The following SLC39A8 variants were observed in gnomAD, a reference collection of about 807,000 sequenced individuals.
SLC39A8 encodes metal cation symporter ZIP8.
In SLC39A8, 15 loss-of-function variants were observed where a neutral mutation model predicts 40.4. The ratio of observed to expected loss-of-function variants is 0.37; its 90% CI spans 0.25 to 0.57. The LOEUF is 0.57. Ranked by LOEUF, SLC39A8 falls within the 20% of genes least tolerant of loss-of-function variation. The pLI, the probability that SLC39A8 is intolerant of heterozygous loss-of-function variation, is 0.75. For missense variants in SLC39A8, 472 were observed against 558.8 expected (o/e 0.84, Z 1.57); for synonymous variants, 223 against 221.6 (o/e 1.01, Z -0.06).
At chr4:102,251,289 G>A (rs1731580199) in exon 12 of SLC39A8, 1 of 152,116 alleles carries the variant, frequency 6.6e-6, no homozygotes, top group Non-Finnish European at 1.5e-5. Flanking sequence ...CTACTGTTAT[G>A]TCAACAAAAG....
intron 2 of SLC39A8, among the ~76,000 whole-genome samples, chr4:102,322,854 A>T (rs564187300): frequency 6.6e-6 from 1 of 152,262 alleles, no homozygotes; most frequent in Admixed American, 6.5e-5. Context: ...AGACTCAATG[A>T]CAATCAACTT....
At chr4:102,343,790 G>GA (rs1040945999) in intron 2 of SLC39A8, among the ~76,000 whole-genome samples, 27 of 152,112 alleles carry the variant, frequency 1.8e-4, no homozygotes, top group Middle Eastern at 3.2e-3. Flanking sequence ...GTTTATTACT[G>GA]AAAAAATTTT....
intron 6 of SLC39A8, among the ~76,000 whole-genome samples, chr4:102,270,148 T>G (rs761581952): frequency 2.0e-5 from 3 of 152,232 alleles, no homozygotes. Flanking sequence ...TCTAATTACA[T>G]GTTTAAAATT....
chr4:102,341,867 A>G (rs1426845511), intron 2 of SLC39A8, among the ~76,000 whole-genome samples: 1 of 152,252 alleles, frequency 6.6e-6, no homozygotes, highest in Non-Finnish European at 1.5e-5. Flanking sequence ...CAAAAGAACA[A>G]TGTTATTTGA....
chr4:102,253,186 A>G (rs1416194255), exon 12 of SLC39A8: 10 of 388,186 alleles, frequency 2.6e-5, no homozygotes, highest in Non-Finnish European at 4.1e-5. Context: ...GCGGCGGGGA[A>G]CACAATTAGA....
chr4:102,301,289 G>A (rs1427139299), intron 6 of SLC39A8, among the ~76,000 whole-genome samples: 2 of 152,026 alleles, frequency 1.3e-5, no homozygotes, highest in Non-Finnish European at 2.9e-5. Context: ...GGTCCCTTGT[G>A]TGTGACCTGT....
At chr4:102,292,316 G>A (rs751090999) in intron 6 of SLC39A8, among the ~76,000 whole-genome samples, 4 of 151,938 alleles carry the variant, frequency 2.6e-5, no homozygotes, top group Non-Finnish European at 5.9e-5. Flanking sequence ...ATAAATATAT[G>A]CAATTATTAT....
At chr4:102,276,838 G>C (rs1010741654) in intron 6 of SLC39A8, among the ~76,000 whole-genome samples, 1 of 152,092 alleles carries the variant, frequency 6.6e-6, no homozygotes, top group Non-Finnish European at 1.5e-5. Context: ...TTCAACATAT[G>C]CAAACCAATA....
intron 2 of SLC39A8, among the ~76,000 whole-genome samples, chr4:102,332,765 C>T (rs908877080): frequency 1.3e-5 from 2 of 152,168 alleles, no homozygotes; most frequent in African/African-American, 4.8e-5. Flanking sequence ...GGAACCAACC[C>T]AAATGCCCAT....
At chr4:102,269,157 T>C (rs893709051) in intron 6 of SLC39A8, among the ~76,000 whole-genome samples, 3 of 146,058 alleles carry the variant, frequency 2.1e-5, no homozygotes, top group Non-Finnish European at 4.7e-5. Flanking sequence ...TATATATGGA[T>C]ACATTAAAAA....
chr4:102,292,284 T>G (rs1468878867), intron 6 of SLC39A8, among the ~76,000 whole-genome samples: 2 of 152,096 alleles, frequency 1.3e-5, no homozygotes, highest in African/African-American at 4.8e-5. Context: ...TGTACATATA[T>G]TAAAACATAA....
chr4:102,315,956 C>T (rs1734637545), intron 2 of SLC39A8, 126 bp from the exon 3 acceptor site: 1 of 738,112 alleles, frequency 1.4e-6, no homozygotes, highest in Non-Finnish European at 1.9e-6. Context: ...AAGCCCACCA[C>T]AGAAATTGAA....
downstream of SLC39A8, among the ~76,000 whole-genome samples, chr4:102,258,789 T>C (rs541729311): frequency 1.3e-5 from 2 of 152,338 alleles, no homozygotes; most frequent in South Asian, 4.1e-4. Flanking sequence ...TCCTGCCAAG[T>C]GATGTATTCT....
chr4:102,255,452 A>G (rs955615832), intron 11 of SLC39A8, among the ~76,000 whole-genome samples: 5 of 152,144 alleles, frequency 3.3e-5, no homozygotes, highest in Non-Finnish European at 7.3e-5. Flanking sequence ...CTCAGCATCC[A>G]TCTCATTTTC....
intron 11 of SLC39A8, among the ~76,000 whole-genome samples, chr4:102,253,676 T>C (rs1731643935): frequency 1.3e-5 from 2 of 152,124 alleles, no homozygotes; most frequent in Admixed American, 6.5e-5. Flanking sequence ...AGTACGTGTT[T>C]ATTGAAAAAA....
At position 102,344,893 on chromosome 4, in the gene SLC39A8, G is replaced by A; in HGVS notation, c.-231C>T. ...GCCGAGGGGAGCGATAGGCGGAGTG[G>A]GCCCCCCGGCCTCCTGGAGAGCCTG... On this transcript the variant is annotated 5_prime_UTR_variant, in exon 2 of 9. Coordinates refer to ENST00000356736, the MANE Select transcript of SLC39A8 (RefSeq NM_001135146.2). The A allele has an allele frequency of 1.5e-6, 2 of 1,300,586 alleles. No homozygotes were observed. The highest frequency in any genetic ancestry group is 1.9e-6 in the Non-Finnish European group (2 of 1,029,452). 80.6% of individuals were successfully genotyped at this position (1,300,586 alleles called of 1,614,324 possible).
At chr4:102,259,716 A>G (rs531068701), downstream of SLC39A8, among the ~76,000 whole-genome samples, 1 of 152,362 alleles carries the variant, frequency 6.6e-6, no homozygotes, top group African/African-American at 2.4e-5. Flanking sequence ...GGCCCTACCT[A>G]GCAGACTGTT....
chr4:102,283,516 T>G (rs1028879938), intron 6 of SLC39A8, among the ~76,000 whole-genome samples: 2 of 151,654 alleles, frequency 1.3e-5, no homozygotes, highest in Admixed American at 6.6e-5. Flanking sequence ...ACTGAACTAA[T>G]GTGCTGAGGT....
At chr4:102,274,479 G>C (rs1732523077) in intron 6 of SLC39A8, among the ~76,000 whole-genome samples, 1 of 152,210 alleles carries the variant, frequency 6.6e-6, no homozygotes, top group Admixed American at 6.5e-5. Context: ...CGTTTGATTG[G>C]TGTACCTGAA....
Sources: allele counts gnomAD v4.1 joint callset (sites outside exome capture counted in the v4.1 genomes callset), GRCh38; gene constraint gnomAD v4.1.1; transcripts MANE v1.5; gene names NCBI Gene and HGNC (gene_info 2026-07-23, HGNC 2026-07-21).